The following SESN1 variants were observed in gnomAD, a reference collection of about 807,000 sequenced individuals.
The protein encoded by SESN1 is sestrin 1.
Under a neutral mutation model 59.3 loss-of-function variants are expected in SESN1, and 30 were observed. The ratio of observed to expected loss-of-function variants is 0.51; its 90% confidence interval spans 0.38 to 0.69. The LOEUF is 0.69. Ranked by LOEUF, SESN1 falls within the 30% of genes least tolerant of loss-of-function variation. The pLI, the probability that SESN1 is intolerant of heterozygous loss-of-function variation, is 0.00. For missense variants in SESN1, 566 were observed against 673.0 expected (o/e 0.84, Z 1.76); for synonymous variants, 197 against 219.9 (o/e 0.90, Z 0.92).
At chr6:109,077,781 T>C (rs1464866193) in intron 1 of SESN1, among the ~76,000 whole-genome samples, 1 of 152,214 alleles carries the variant, frequency 6.6e-6, no homozygotes, top group Non-Finnish European at 1.5e-5. Flanking sequence ...CATATTTGTG[T>C]ACTTCTTTTG....
intron 1 of SESN1, among the ~76,000 whole-genome samples, chr6:109,008,446 A>G (rs1395751289): frequency 6.7e-6 from 1 of 150,020 alleles, no homozygotes; most frequent in Non-Finnish European, 1.5e-5. Context: ...AAAATCTCAA[A>G]AAAATATTTG....
Position 108,992,725 on chromosome 6 carries a change from T to G in SESN1, c.1233+62A>C, listed in dbSNP as rs1319307447. 1.1e-5 allele frequency: 12 copies of G among 1,058,100 alleles called. No individual in the cohort carries two copies. In the East Asian group the frequency reaches 2.9e-4, roughly 25 times the overall value. 65.5% of individuals were successfully genotyped at this position (1,058,100 alleles called of 1,614,324 possible). A position where few individuals can be genotyped will look rare whatever the true frequency, so the allele number is the denominator to read the frequency against. On this transcript the variant is annotated intron_variant, in intron 7 of 9. Coordinates refer to ENST00000436639, the MANE Select transcript of SESN1 (RefSeq NM_014454.3). ...AGTTCTCAAATCTAAGTGGCTGTTT[T>G]GTATTTTAAGTCAGACTGAGATATT...
intron 1 of SESN1, among the ~76,000 whole-genome samples, chr6:109,032,332 G>C (rs376963362): frequency 6.6e-6 from 1 of 152,028 alleles, no homozygotes; most frequent in East Asian, 1.9e-4. Flanking sequence ...TACATGAAAA[G>C]GTAAGGCTGG....
chr6:109,089,765 C>T (rs1414375964), intron 1 of SESN1, among the ~76,000 whole-genome samples: 1 of 152,166 alleles, frequency 6.6e-6, no homozygotes, highest in African/African-American at 2.4e-5. Context: ...ATACTATATC[C>T]TGTGGTTTCT....
At chr6:109,039,177 A>G (rs1441993966) in intron 1 of SESN1, among the ~76,000 whole-genome samples, 1 of 152,052 alleles carries the variant, frequency 6.6e-6, no homozygotes, top group Admixed American at 6.6e-5. Context: ...AGAAAGAAGA[A>G]GAAGAAAGAA....
At chr6:109,012,705 A>G (rs946003348) in intron 1 of SESN1, among the ~76,000 whole-genome samples, 3 of 152,174 alleles carry the variant, frequency 2.0e-5, no homozygotes, top group Admixed American at 1.3e-4. Context: ...TAAAAGATCT[A>G]GCATATGCAG....
intron 1 of SESN1, among the ~76,000 whole-genome samples, chr6:109,026,263 C>T (rs1322951274): frequency 6.6e-6 from 1 of 152,112 alleles, no homozygotes; most frequent in African/African-American, 2.4e-5. Context: ...AGATCCTCAA[C>T]TGAAGGAGTG....
chr6:109,000,330 C>A, intron 4 of SESN1, 161 bp downstream of exon 4: 1 of 482,270 alleles, frequency 2.1e-6, no homozygotes. Context: ...GCAAATGTAC[C>A]ACAGAAATGC....
chr6:108,994,533 TC>T lies in SESN1; in HGVS notation c.1048del (p.Glu350ArgfsTer13). 6.2e-7 allele frequency: 1 copy of T among 1,613,656 alleles called. No individual in the cohort carries two copies. Among genetic ancestry groups the T allele is most frequent in the Non-Finnish European group, 8.5e-7 (1 of 1,179,770 alleles). ...TGAAGCCATCTCTTCCTGACTTGCC[TC>T]TTCTTCATCTCGACATTCCTGTAAC... ...RQLQECRDEE[E>X]ASQEEMASRF... On this transcript the variant is annotated frameshift_variant, in exon 6 of 10. Transcript: ENST00000436639. LOFTEE classifies it high-confidence loss of function.
At chr6:108,989,497 A>G (rs1416819367) in intron 8 of SESN1, among the ~76,000 whole-genome samples, 1 of 142,548 alleles carries the variant, frequency 7.0e-6, no homozygotes, top group Non-Finnish European at 1.5e-5. Flanking sequence ...CTCTAGATCT[A>G]GAGATATCTA....
intron 1 of SESN1, among the ~76,000 whole-genome samples, chr6:109,053,546 A>C (rs1439680989): frequency 1.3e-5 from 2 of 152,240 alleles, no homozygotes; most frequent in African/African-American, 4.8e-5. Flanking sequence ...AACAGCAGTA[A>C]CAAAGCCAGT....
At chr6:109,004,968 AAG>A (rs1374375188) in intron 1 of SESN1, among the ~76,000 whole-genome samples, 1 of 152,178 alleles carries the variant, frequency 6.6e-6, no homozygotes, top group African/African-American at 2.4e-5. Flanking sequence ...TATGAGAAAA[AAG>A]AGTATAGAGA....
chr6:109,024,771 G>C (rs1229371112), intron 1 of SESN1, among the ~76,000 whole-genome samples: 1 of 152,164 alleles, frequency 6.6e-6, no homozygotes, highest in African/African-American at 2.4e-5. Context: ...GCTGAGAACT[G>C]TCACTTGCTG....
chr6:109,011,927 C>T (rs112964533), intron 1 of SESN1, among the ~76,000 whole-genome samples: 508 of 152,286 alleles, frequency 3.3e-3, no homozygotes, highest in African/African-American at 9.9e-3. Context: ...CCACACCCAG[C>T]CCAATAAATG....
intron 1 of SESN1, among the ~76,000 whole-genome samples, chr6:109,067,278 C>T (rs1166818638): frequency 2.0e-5 from 3 of 152,166 alleles, no homozygotes; most frequent in Non-Finnish European, 4.4e-5. Flanking sequence ...AGGTCCTCCA[C>T]ACCATGACCA....
chr6:109,092,261 T>C (rs1781326872), intron 1 of SESN1, among the ~76,000 whole-genome samples: 1 of 152,220 alleles, frequency 6.6e-6, no homozygotes, highest in Non-Finnish European at 1.5e-5. Context: ...ATTCCCATTT[T>C]ACAGATGTGG....
At chr6:109,011,253 C>G (rs1425922474) in intron 1 of SESN1, among the ~76,000 whole-genome samples, 1 of 152,158 alleles carries the variant, frequency 6.6e-6, no homozygotes, top group East Asian at 1.9e-4. Flanking sequence ...TAGGCTGATA[C>G]TTAGTGCTTG....
Position 109,094,158 on chromosome 6 carries a change from A to G in SESN1, c.-85T>C. 7.2e-7 allele frequency: 1 copy of G among 1,389,834 alleles called. No homozygotes were observed. The highest frequency in any genetic ancestry group is 2.3e-5 in the East Asian group (1 of 43,620). 86.1% of individuals were successfully genotyped at this position (1,389,834 alleles called of 1,614,324 possible). The stretch of plus-strand genomic sequence containing the variant: ...TTTGTATTTTTAAAATGAAAAATGT[A>G]AAAATAAAATCAGAGAAATCAAATC... On this transcript the variant is annotated 5_prime_UTR_variant, in exon 1 of 10. Transcript: ENST00000436639.
intron 1 of SESN1, among the ~76,000 whole-genome samples, chr6:109,014,876 C>T (rs1181451683): frequency 6.6e-6 from 1 of 152,156 alleles, no homozygotes; most frequent in Non-Finnish European, 1.5e-5. Context: ...GCTTCTCAAA[C>T]AAATCACACT....
Sources: gnomAD v4.1 joint callset for allele counts (sites outside exome capture counted in the v4.1 genomes callset) on GRCh38, gnomAD v4.1.1 for gene constraint, MANE v1.5 for transcripts, NCBI Gene and HGNC (gene_info 2026-07-23, HGNC 2026-07-21) for gene names.